PDZD2: variants seen among roughly 807,000 people sequenced by gnomAD.
PDZD2 encodes PDZ domain-containing protein 2.
PDZD2 carries 90 observed loss-of-function variants against 220.7 expected under a neutral mutation model. That is an observed-to-expected ratio of 0.41 (90% confidence interval 0.34 to 0.49). The LOEUF is 0.49. Ranked by LOEUF, PDZD2 falls within the 20% of genes least tolerant of loss-of-function variation. The pLI is 0.28. For missense variants in PDZD2, 3,174 were observed against 3,608.5 expected, an observed-to-expected ratio of 0.88 and a Z score of 3.08; for synonymous variants, 1,375 against 1,450.5, an observed-to-expected ratio of 0.95 and a Z score of 1.18.
intron 1 of PDZD2, among the ~76,000 whole-genome samples, chr5:31,740,765 T>A (rs1750211334): frequency 6.6e-6 from 1 of 152,166 alleles, no homozygotes. Context: ...CAAATTGGTG[T>A]GCATGGTTCA....
At chr5:31,869,865 G>C (rs1461423387) in intron 2 of PDZD2, among the ~76,000 whole-genome samples, 1 of 152,114 alleles carries the variant, frequency 6.6e-6, no homozygotes, top group East Asian at 1.9e-4. Context: ...AGAGGGGTGG[G>C]TCTGACCCCC....
intron 2 of PDZD2, among the ~76,000 whole-genome samples, chr5:31,899,743 A>G (rs1315434860): frequency 6.6e-6 from 1 of 152,198 alleles, no homozygotes; most frequent in East Asian, 1.9e-4. Flanking sequence ...AGGTCATCAA[A>G]TCATCATCAA....
At chr5:31,854,915 A>AT (rs778406680) in intron 2 of PDZD2, 76 of 919,136 alleles carry the variant, frequency 8.3e-5, no homozygotes, top group Non-Finnish European at 9.4e-5. Context: ...CGGAGGGAGG[A>AT]GGGGGGGGTC....
chr5:32,102,109 TA>T lies in PDZD2; in HGVS notation c.8353+871del, dbSNP rs1744303319. ...CTCCACTCTTGACCTATAGTGTTAATAGGAAAAAATACTTTTAAAAATGTAT... is the reference window on the plus strand; with the variant it reads ...CTCCACTCTTGACCTATAGTGTTAATGGAAAAAATACTTTTAAAAATGTAT... On this transcript the variant is annotated intron_variant, in intron 24 of 24. Transcript: ENST00000438447. Among the ~76,000 whole-genome samples the T allele has an allele frequency of 2.6e-5, 4 of 152,034 alleles. No homozygotes were observed. The South Asian group carries it at 8.3e-4, about 32-fold the overall frequency.
intron 1 of PDZD2, among the ~76,000 whole-genome samples, chr5:31,649,007 C>T (rs1050078156): frequency 1.3e-5 from 2 of 152,024 alleles, no homozygotes; most frequent in Admixed American, 1.3e-4. Flanking sequence ...GCTCTGACTC[C>T]TATTCATCCC....
chr5:31,725,504 C>G lies in PDZD2; in HGVS notation c.-360-73385C>G, dbSNP rs1222108681. The G allele has an allele frequency of 3.1e-6, 4 of 1,271,026 alleles. No homozygotes were observed. In the Admixed American group the frequency reaches 1.0e-4, roughly 32 times the overall value. The allele number at this position is 1,271,026 out of a possible 1,614,324, so 78.7% of individuals were successfully genotyped here. The stretch of plus-strand genomic sequence containing the variant: ...CTATGAGTAAATGAATGATCCATGT[C>G]TAAAAATGATCATGGTTTATACTAC... On this transcript the variant is annotated intron_variant, in intron 1 of 24. Transcript: ENST00000438447.
At chr5:31,890,514 AAT>A (rs1470394253) in intron 2 of PDZD2, among the ~76,000 whole-genome samples, 1 of 152,174 alleles carries the variant, frequency 6.6e-6, no homozygotes, top group Non-Finnish European at 1.5e-5. Context: ...ATCGTGGACT[AAT>A]AAAAACAGCC....
At position 31,995,719 on chromosome 5, in the gene PDZD2, G is replaced by A; in HGVS notation, c.1121+1G>A. On this transcript the variant is annotated splice_donor_variant, in intron 4 of 24. Transcript: ENST00000438447. LOFTEE classifies it high-confidence loss of function. The stretch of plus-strand genomic sequence containing the variant: ...TGAAGGAAGGAGGTGCCGCTCACAG[G>A]TGACTAGATAACTCTCCCCTCTCCC... 1 of 1,613,154 alleles carries A rather than the reference G, an allele frequency of 6.2e-7. No individual in the cohort carries two copies. Among genetic ancestry groups the A allele is most frequent in the Non-Finnish European group, 8.5e-7 (1 of 1,179,870 alleles).
At chr5:31,992,864 G>GAA (rs11442724) in intron 3 of PDZD2, among the ~76,000 whole-genome samples, 10,927 of 140,362 alleles carry the variant, frequency 0.078, 517 homozygotes, top group Non-Finnish European at 0.1. Context: ...CTCTTCCATG[G>GAA]AAAAAAAAAA....
intron 2 of PDZD2, among the ~76,000 whole-genome samples, chr5:31,971,193 T>C (rs1008189659): frequency 2.6e-5 from 4 of 152,214 alleles, no homozygotes; most frequent in Non-Finnish European, 4.4e-5. Context: ...CTCACAGTTC[T>C]GGAGGCTGGG....
chr5:31,970,866 C>G (rs1749236327), intron 2 of PDZD2, among the ~76,000 whole-genome samples: 1 of 152,154 alleles, frequency 6.6e-6, no homozygotes, highest in South Asian at 2.1e-4. Context: ...ACTTCACCAT[C>G]AACATGCTGA....
intron 2 of PDZD2, among the ~76,000 whole-genome samples, chr5:31,921,579 A>G (rs544872161): frequency 1.3e-5 from 2 of 152,154 alleles, no homozygotes; most frequent in African/African-American, 4.8e-5. Flanking sequence ...GGTCCCGGGT[A>G]CTCAGGAGGC....
intron 6 of PDZD2, among the ~76,000 whole-genome samples, chr5:32,017,739 C>T (rs1042689474): frequency 7.2e-5 from 11 of 152,134 alleles, no homozygotes; most frequent in African/African-American, 2.7e-4. Context: ...GAATTTAGGA[C>T]TTGGTTTTTT....
chr5:31,863,180 C>T (rs563643991), intron 2 of PDZD2, among the ~76,000 whole-genome samples: 5 of 152,292 alleles, frequency 3.3e-5, no homozygotes, highest in African/African-American at 9.6e-5. Context: ...CCACTGCGCC[C>T]GGCCATGAGA....
intron 6 of PDZD2, among the ~76,000 whole-genome samples, chr5:32,010,983 C>T (rs1260212019): frequency 7.8e-6 from 1 of 128,994 alleles, no homozygotes; most frequent in Non-Finnish European, 1.5e-5. Flanking sequence ...GGCTACAGAG[C>T]GAGACTCCCT....
chr5:31,989,606 TAG>T (rs1173043987), intron 3 of PDZD2, among the ~76,000 whole-genome samples: 1 of 151,944 alleles, frequency 6.6e-6, no homozygotes, highest in Non-Finnish European at 1.5e-5. Flanking sequence ...GTATTTTTAG[TAG>T]AGAGGGGGTT....
intron 1 of PDZD2, among the ~76,000 whole-genome samples, chr5:31,735,616 A>G (rs891357795): frequency 3.2e-4 from 48 of 152,108 alleles, no homozygotes; most frequent in Non-Finnish European, 2.5e-4. Context: ...CTTGGCAAAC[A>G]TGGCGAAACC....
intron 1 of PDZD2, among the ~76,000 whole-genome samples, chr5:31,771,949 A>AGT (rs1752363302): frequency 6.6e-6 from 1 of 152,162 alleles, no homozygotes; most frequent in African/African-American, 2.4e-5. Flanking sequence ...CCCTTTCTTA[A>AGT]ACTAAGATTT....
At position 32,074,239 on chromosome 5, in the gene PDZD2, A is replaced by C. The variant is rs1741053069; in HGVS notation, c.3133A>C (p.Ile1045Leu). ...LGSSVDLEESIPEGMVDAASY... is the reference protein window; with the variant it reads ...LGSSVDLEESLPEGMVDAASY... ...TAGCTCAGTGGACTTAGAGGAGAGT[A>C]TCCCAGAGGGCATGGTGGATGCTGC... The change falls in exon 18 of 25, where the codon ATC becomes CTC. Residue 1045 changes from isoleucine to leucine, a missense_variant. Physicochemically the swap from Ile to Leu is conservative, Grantham distance 5 (BLOSUM62 2). Transcript: ENST00000438447. The C allele has an allele frequency of 6.2e-7, 1 of 1,614,220 alleles. No homozygotes were observed. Among genetic ancestry groups the C allele is most frequent in the Non-Finnish European group, 8.5e-7 (1 of 1,180,034 alleles).
Sources: gnomAD v4.1 joint callset for allele counts (sites outside exome capture counted in the v4.1 genomes callset) on GRCh38, gnomAD v4.1.1 for gene constraint, MANE v1.5 for transcripts, NCBI Gene and HGNC (gene_info 2026-07-23, HGNC 2026-07-21) for gene names.